The following KCNAB1 variants were observed in gnomAD, a reference collection of about 807,000 sequenced individuals.
KCNAB1 encodes voltage-gated potassium channel subunit beta-1.
A neutral mutation model predicts 64.6 loss-of-function variants in KCNAB1; 35 were observed. That is an observed-to-expected ratio of 0.54 (90% CI 0.41 to 0.72). The LOEUF (loss-of-function observed/expected upper bound fraction) is 0.72, where lower values mean the gene tolerates loss of function less well. Ranked by LOEUF, KCNAB1 falls within the 30% of genes least tolerant of loss-of-function variation. KCNAB1 has a pLI of 0.00. For missense variants in KCNAB1, 401 were observed against 512.9 expected (o/e 0.78, Z 2.11); for synonymous variants, 177 against 183.8 (o/e 0.96, Z 0.30).
intron 7 of KCNAB1, among the ~76,000 whole-genome samples, chr3:156,466,907 T>C (rs758402153): frequency 3.3e-5 from 5 of 152,030 alleles, no homozygotes; most frequent in Admixed American, 6.6e-5. Flanking sequence ...TAAAGAAAAA[T>C]GTTAAGAGTT....
intron 1 of KCNAB1, among the ~76,000 whole-genome samples, chr3:156,413,136 GT>G (rs1714797140): frequency 6.6e-6 from 1 of 152,218 alleles, no homozygotes; most frequent in Non-Finnish European, 1.5e-5. Flanking sequence ...CATTGGAACA[GT>G]GACTACAGTT....
chr3:156,176,931 T>G (rs1489938887), intron 1 of KCNAB1: 1 of 897,528 alleles, frequency 1.1e-6, no homozygotes, highest in East Asian at 2.4e-5. Context: ...CGGATGATGC[T>G]TTGGGTTTTT....
intron 1 of KCNAB1, among the ~76,000 whole-genome samples, chr3:156,170,279 C>A (rs1234303342): frequency 3.3e-5 from 4 of 122,526 alleles, no homozygotes; most frequent in African/African-American, 1.2e-4. Flanking sequence ...TTTACCTATT[C>A]TTATGGTTTT....
rs143499336 is a variant in KCNAB1 at position 156,412,626 on chromosome 3, G to A, written c.276-8990G>A. ...TCGAGTACTTTGCAAATGAGGAAAG[G>A]TAACAGGGCATGAATAATAGTGGCT... On this transcript the variant is annotated intron_variant, in intron 1 of 13. Transcript: ENST00000490337. 8.9e-3 allele frequency among the ~76,000 whole-genome samples: 1,350 copies of A among 152,338 alleles called. 8 individuals carry two copies. Among genetic ancestry groups the A allele is most frequent in the Admixed American group, 0.014 (217 of 15,300 alleles).
At chr3:156,234,457 G>T (rs1029535204) in intron 1 of KCNAB1, among the ~76,000 whole-genome samples, 1 of 152,092 alleles carries the variant, frequency 6.6e-6, no homozygotes, top group Admixed American at 6.5e-5. Flanking sequence ...TCATCCATAG[G>T]AATAGGTGAA....
At chr3:156,233,218 C>A (rs1341550882) in intron 1 of KCNAB1, among the ~76,000 whole-genome samples, 1 of 151,930 alleles carries the variant, frequency 6.6e-6, no homozygotes, top group East Asian at 1.9e-4. Flanking sequence ...GTCATTATAA[C>A]AATTTAAATA....
At chr3:156,535,888 C>G (rs1719023041) in intron 13 of KCNAB1, among the ~76,000 whole-genome samples, 1 of 152,196 alleles carries the variant, frequency 6.6e-6, no homozygotes, top group South Asian at 2.1e-4. Context: ...GAAGTCCTGA[C>G]AGGTTCCCCA....
intron 1 of KCNAB1, among the ~76,000 whole-genome samples, chr3:156,311,545 A>T (rs3755625): frequency 2.0e-5 from 3 of 152,028 alleles, no homozygotes; most frequent in Non-Finnish European, 4.4e-5. Flanking sequence ...CCTGGAGCAG[A>T]GGCATGGGGA....
intron 1 of KCNAB1, among the ~76,000 whole-genome samples, chr3:156,354,983 T>C (rs898872643): frequency 3.3e-5 from 5 of 152,186 alleles, no homozygotes; most frequent in African/African-American, 9.7e-5. Context: ...TTATTATTCA[T>C]TTATAGTGTC....
At chr3:156,184,809 A>G (rs1438271360) in intron 1 of KCNAB1, among the ~76,000 whole-genome samples, 1 of 152,014 alleles carries the variant, frequency 6.6e-6, no homozygotes, top group Non-Finnish European at 1.5e-5. Flanking sequence ...CTCCTTCCCC[A>G]TACCTGTTTC....
At position 156,169,701 on chromosome 3, in the gene KCNAB1, C is replaced by T. The variant is rs1415217130; in HGVS notation, c.275+48815C>T. The stretch of plus-strand genomic sequence containing the variant: ...TCTCGTGATAGAGTCCTCATGGGAT[C>T]GGACAGTTTGAAAGTATGTGGTGCT... On this transcript the variant is annotated intron_variant, in intron 1 of 13. Coordinates refer to ENST00000490337, the MANE Select transcript of KCNAB1 (RefSeq NM_172160.3). 2.0e-5 allele frequency among the ~76,000 whole-genome samples: 3 copies of T among 152,136 alleles called. No homozygotes were observed. In the East Asian group the frequency reaches 5.8e-4, roughly 29 times the overall value.
chr3:156,157,858 T>C (rs6790987), intron 1 of KCNAB1, among the ~76,000 whole-genome samples: 7,531 of 152,170 alleles, frequency 0.049, 298 homozygotes, highest in African/African-American at 0.1. Flanking sequence ...TTTTTTTCCT[T>C]TCCTCTATTC....
intron 1 of KCNAB1, chr3:156,176,803 G>A (rs1335951318): frequency 1.3e-5 from 11 of 878,172 alleles, no homozygotes; most frequent in South Asian, 8.5e-5. Context: ...GCCTGCTGCT[G>A]CCCGGCTCCA....
intron 1 of KCNAB1, among the ~76,000 whole-genome samples, chr3:156,266,774 A>C (rs1031109440): frequency 6.6e-6 from 1 of 152,184 alleles, no homozygotes; most frequent in Non-Finnish European, 1.5e-5. Flanking sequence ...AAATTCTTCC[A>C]CATCAGTCAG....
intron 1 of KCNAB1, among the ~76,000 whole-genome samples, chr3:156,184,975 A>G (rs1713094560): frequency 6.6e-6 from 1 of 152,164 alleles, no homozygotes. Flanking sequence ...ATTATTTAAC[A>G]TTACAGTACC....
rs1318444935 is a variant in KCNAB1, at chr3:156,395,543, T to TAAAAAGA, written c.276-26073_276-26072insAAAAAGA. Among the ~76,000 whole-genome samples the TAAAAAGA allele has an allele frequency of 7.1e-4, 6 of 8,446 alleles. No homozygotes were observed. The East Asian group carries it at 0.016, about 22-fold the overall frequency. The allele number at this position is 8,446 out of a possible 152,430, so 5.5% of individuals were successfully genotyped here. ...CTGGGCGACAGAGCGAGACTCCGTC[T>TAAAAAGA]CAAAAAAAAAAAAAAAAAAAAAAAA... On this transcript the variant is annotated intron_variant, in intron 1 of 13. Transcript: ENST00000490337.
chr3:156,457,109 C>A, intron 3 of KCNAB1: 2 of 673,182 alleles, frequency 3.0e-6, no homozygotes, highest in Non-Finnish European at 3.8e-6. Flanking sequence ...TGGAGTCACA[C>A]AGTGATACAA....
intron 10 of KCNAB1, 34 bp downstream of exon 10, chr3:156,515,254 T>C: frequency 6.3e-7 from 1 of 1,574,906 alleles, no homozygotes; most frequent in South Asian, 1.2e-5. Context: ...TGAGTATTTT[T>C]AACAAGAGAA....
chr3:156,488,049 C>A (rs1189287324), intron 8 of KCNAB1, among the ~76,000 whole-genome samples: 4 of 152,074 alleles, frequency 2.6e-5, no homozygotes, highest in Non-Finnish European at 5.9e-5. Context: ...ACTCAGATGA[C>A]CCACAGAAGA....
Sources: allele counts gnomAD v4.1 joint callset (sites outside exome capture counted in the v4.1 genomes callset), GRCh38; gene constraint gnomAD v4.1.1; transcripts MANE v1.5; gene names NCBI Gene and HGNC (gene_info 2026-07-23, HGNC 2026-07-21).